The following SRSF11 variants were observed in gnomAD, a reference collection of about 807,000 sequenced individuals.
SRSF11 encodes serine and arginine rich splicing factor 11, also known as serine/arginine-rich splicing factor 11.
SRSF11 carries 9 observed loss-of-function variants against 56.0 expected under a neutral mutation model. The ratio of observed to expected loss-of-function variants is 0.16; its 90% CI spans 0.10 to 0.28. SRSF11 has a LOEUF of 0.28. Ranked by LOEUF, SRSF11 falls within the 10% of genes least tolerant of loss-of-function variation. The pLI is 1.00. For missense variants in SRSF11, 421 were observed against 600.7 expected, an observed-to-expected ratio of 0.70 and a Z score of 3.13; for synonymous variants, 222 against 215.3, an observed-to-expected ratio of 1.03 and a Z score of -0.27.
chr1:70,240,772 T>C (rs1558209285), intron 7 of SRSF11, among the ~76,000 whole-genome samples: 1 of 120,910 alleles, frequency 8.3e-6, no homozygotes, highest in Admixed American at 9.0e-5. Context: ...TCACTGGACT[T>C]TTTTTTTTTT....
In SRSF11 at chr1:70,246,859, C is replaced by T. The variant is rs1676884224; in HGVS notation, c.974C>T (p.Thr325Ile). The T allele has an allele frequency of 6.2e-7, 1 of 1,611,272 alleles. No individual in the cohort carries two copies. ...KEDKEKKRSK[T>I]PPKSYSTARR... is the part of the protein sequence containing the mutation. ...GACAAAGAAAAGAAACGTTCTAAAACACCACCAAAAAGTTACAGCACAGCC... is the reference window on the plus strand; with the variant it reads ...GACAAAGAAAAGAAACGTTCTAAAATACCACCAAAAAGTTACAGCACAGCC... Residue 325 changes from threonine (T) to isoleucine (I), a missense_variant, in exon 9 of 12, where the codon ACA becomes ATA. By Grantham distance (89) the Thr-to-Ile change is moderately conservative. This residue lies in a region of SRSF11 where 253 missense variants were observed against 305.8 expected (regional missense o/e 0.83). Transcript: ENST00000370949.
At chr1:70,241,777 A>G (rs1675461260) in intron 7 of SRSF11, among the ~76,000 whole-genome samples, 1 of 152,216 alleles carries the variant, frequency 6.6e-6, no homozygotes, top group Non-Finnish European at 1.5e-5. Context: ...TTAATCTTCC[A>G]TGACAGTGCT....
chr1:70,249,959 C>G lies in SRSF11; in HGVS notation c.1030C>G (p.Arg344Gly). ...RRSRSASRER[R>G]RRRSRSGTRS... is the part of the protein sequence containing the mutation. ...GCACATTTGTGATTCTAGAGAGAGACGACGACGAAGAAGCAGGAGTGGCAC... is the reference window on the plus strand; with the variant it reads ...GCACATTTGTGATTCTAGAGAGAGAGGACGACGAAGAAGCAGGAGTGGCAC... Residue 344 changes from arginine (R) to glycine (G), a missense_variant, in exon 10 of 12, where the codon CGA becomes GGA. Around this residue, in one of 2 missense-constraint regions of SRSF11, gnomAD observed 253 missense variants for 305.8 expected, o/e 0.83. Coordinates refer to ENST00000370949, the MANE Select transcript of SRSF11 (RefSeq NM_001350605.2). 2 of 1,613,956 alleles carry G rather than the reference C, an allele frequency of 1.2e-6. No homozygotes were observed. Among genetic ancestry groups the G allele is most frequent in the Non-Finnish European group, 1.7e-6 (2 of 1,179,956 alleles).
Position 70,227,559 on chromosome 1 carries a change from C to T in SRSF11, c.204-863C>T, listed in dbSNP as rs187925466. 1.7e-3 allele frequency among the ~76,000 whole-genome samples: 254 copies of T among 152,274 alleles called. 1 individual carries two copies. The highest frequency in any genetic ancestry group is 5.6e-3 in the African/African-American group (232 of 41,546). On this transcript the variant is annotated intron_variant, in intron 1 of 11. Transcript: ENST00000370949. ...GTGTGTTTATTTCTGCCTTAGGGCA[C>T]TAGCTTTCCAAATAACTTTTGGTAT...
intron 5 of SRSF11, 121 bp from the exon 6 acceptor site, chr1:70,237,304 C>T: frequency 3.2e-6 from 4 of 1,246,052 alleles, no homozygotes; most frequent in African/African-American, 1.5e-5. Flanking sequence ...TCATGGAGTC[C>T]TCCCCTCCCT....
intron 4 of SRSF11, 135 bp from the exon 5 acceptor site, chr1:70,235,366 A>T: frequency 5.8e-6 from 4 of 695,236 alleles, no homozygotes; most frequent in South Asian, 2.2e-5. Context: ...TTTCTTTTTT[A>T]ATGTGGCTAC....
intron 2 of SRSF11, 195 bp from the exon 3 acceptor site, chr1:70,232,071 CAA>C (rs751297710): frequency 3.1e-5 from 47 of 1,531,702 alleles, no homozygotes; most frequent in East Asian, 1.7e-4. Flanking sequence ...AAAAAGGAAA[CAA>C]ATTTTCACAC....
Position 70,252,903 on chromosome 1 carries a change from G to A in SRSF11, c.*2098G>A, listed in dbSNP as rs538532167. The A allele has an allele frequency of 2.0e-5, 3 of 152,272 alleles. No individual in the cohort carries two copies. The highest frequency in any genetic ancestry group is 3.4e-3 in the Middle Eastern group (1 of 294). The allele number at this position is 152,272 out of a possible 1,614,324, so 9.4% of individuals were successfully genotyped here. Reference sequence around the variant, plus strand: ...CATTCTTAGGATATTTATTTTCAGTGAACATTTTCTGCACAAAGGTAGTGT... The same window carrying A: ...CATTCTTAGGATATTTATTTTCAGTAAACATTTTCTGCACAAAGGTAGTGT... On this transcript the variant is annotated 3_prime_UTR_variant, in exon 12 of 12. Coordinates refer to ENST00000370949, the MANE Select transcript of SRSF11 (RefSeq NM_001350605.2).
intron 2 of SRSF11, chr1:70,231,929 G>A (rs1327847545): frequency 2.0e-6 from 3 of 1,528,884 alleles, no homozygotes; most frequent in African/African-American, 1.4e-5. Context: ...CTGGAGAACC[G>A]ACTGTGCTTG....
intron 1 of SRSF11, among the ~76,000 whole-genome samples, chr1:70,207,641 A>C (rs531308657): frequency 6.6e-6 from 1 of 151,632 alleles, no homozygotes; most frequent in Non-Finnish European, 1.5e-5. Context: ...GGAAGAAACA[A>C]CCCACCTTTG....
chr1:70,220,276 G>A (rs894151873), upstream of SRSF11, among the ~76,000 whole-genome samples: 3 of 152,214 alleles, frequency 2.0e-5, no homozygotes, highest in African/African-American at 7.2e-5. Context: ...GATGAGTGAT[G>A]TTATTAATAA....
At chr1:70,228,611 G>A in intron 2 of SRSF11, 56 bp downstream of exon 2, 1 of 1,577,860 alleles carries the variant, frequency 6.3e-7, no homozygotes, top group East Asian at 2.3e-5. Context: ...ATCTACCTCA[G>A]TAGATGTAGA....
chr1:70,227,125 T>G (rs1671958336), intron 1 of SRSF11, among the ~76,000 whole-genome samples: 1 of 152,164 alleles, frequency 6.6e-6, no homozygotes, highest in African/African-American at 2.4e-5. Flanking sequence ...TGTTAGTGTT[T>G]GAGTTGTGAT....
chr1:70,225,141 A>C (rs1381719337), intron 1 of SRSF11, among the ~76,000 whole-genome samples: 1 of 152,228 alleles, frequency 6.6e-6, no homozygotes, highest in Non-Finnish European at 1.5e-5. Context: ...GGGATTGCCC[A>C]GCAAAGTGCT....
intron 1 of SRSF11, among the ~76,000 whole-genome samples, chr1:70,223,780 C>G (rs1190896970): frequency 6.6e-6 from 1 of 152,168 alleles, no homozygotes; most frequent in African/African-American, 2.4e-5. Flanking sequence ...ACTAATCTGA[C>G]TGGCACAAGT....
chr1:70,238,588 A>C (rs1350399771), intron 6 of SRSF11, among the ~76,000 whole-genome samples: 1 of 152,204 alleles, frequency 6.6e-6, no homozygotes, highest in Non-Finnish European at 1.5e-5. Flanking sequence ...CACAATTGAA[A>C]ATTGGTAGGG....
chr1:70,221,947 G>T, intron 1 of SRSF11, 108 bp downstream of exon 1: 2 of 1,494,334 alleles, frequency 1.3e-6, no homozygotes, highest in Non-Finnish European at 1.8e-6. Context: ...CAGGCTGCTT[G>T]AGTGGCTGGT....
At chr1:70,218,696 A>G (rs1670240193), upstream of SRSF11, 1 of 152,208 alleles carries the variant, frequency 6.6e-6, no homozygotes, top group Non-Finnish European at 1.5e-5. Flanking sequence ...TGCGTGGCAT[A>G]TAGTAGGCAC....
At chr1:70,250,180 T>C in intron 10 of SRSF11, 133 bp downstream of exon 10, 1 of 1,258,906 alleles carries the variant, frequency 7.9e-7, no homozygotes, top group Non-Finnish European at 1.1e-6. Flanking sequence ...TTCTGACTTG[T>C]GACTTAAACA....
Sources: allele counts gnomAD v4.1 joint callset (sites outside exome capture counted in the v4.1 genomes callset), GRCh38; gene constraint gnomAD v4.1.1; regional missense constraint gnomAD v4.1.1; transcripts MANE v1.5; gene names NCBI Gene and HGNC (gene_info 2026-07-23, HGNC 2026-07-21).